The following GALNTL6 variants were observed in gnomAD, a reference collection of about 807,000 sequenced individuals.
The protein encoded by GALNTL6 is polypeptide N-acetylgalactosaminyltransferase like 6.
Under a neutral mutation model 73.7 loss-of-function variants are expected in GALNTL6, and 46 were observed. That is an observed-to-expected ratio of 0.62 (90% confidence interval 0.49 to 0.80). GALNTL6 has a LOEUF of 0.80. GALNTL6 is among the 30% of genes least tolerant of loss of function. GALNTL6 has a pLI of 0.00. For missense variants in GALNTL6, 604 were observed against 755.0 expected, an observed-to-expected ratio of 0.80 and a Z score of 2.34; for synonymous variants, 259 against 263.7, an observed-to-expected ratio of 0.98 and a Z score of 0.17.
At position 172,990,571 on chromosome 4, in the gene GALNTL6, T is replaced by C. The variant is rs1391760536; in HGVS notation, c.1372-18607T>C. On this transcript the variant is annotated intron_variant, in intron 10 of 12. Transcript: ENST00000506823. ...TGTCTACAAGAGTCCTGAAAGTTTT[T>C]TTTTTTTAATTTCAATGACCCAATC... Among the ~76,000 whole-genome samples the C allele has an allele frequency of 2.0e-5, 3 of 152,164 alleles. No homozygotes were observed. The South Asian group carries it at 6.2e-4, about 31-fold the overall frequency.
chr4:172,748,510 G>GA (rs1163329789), intron 5 of GALNTL6, among the ~76,000 whole-genome samples: 10 of 151,444 alleles, frequency 6.6e-5, no homozygotes, highest in African/African-American at 9.7e-5. Flanking sequence ...AAACAACATG[G>GA]AAAAAAAATG....
At chr4:172,679,302 T>C (rs139343373) in intron 5 of GALNTL6, among the ~76,000 whole-genome samples, 1 of 151,688 alleles carries the variant, frequency 6.6e-6, no homozygotes, top group Non-Finnish European at 1.5e-5. Flanking sequence ...TCGCAGCCAC[T>C]CGGGAGGCTG....
chr4:172,527,612 G>A (rs997812550), intron 5 of GALNTL6, among the ~76,000 whole-genome samples: 1 of 152,040 alleles, frequency 6.6e-6, no homozygotes, highest in African/African-American at 2.4e-5. Flanking sequence ...ATATAACCAG[G>A]TTTCACGTTG....
chr4:172,787,947 G>A (rs1338135472), intron 5 of GALNTL6, among the ~76,000 whole-genome samples: 1 of 152,118 alleles, frequency 6.6e-6, no homozygotes, highest in Admixed American at 6.5e-5. Context: ...AGAGACAATA[G>A]AAAGTATAAT....
intron 5 of GALNTL6, among the ~76,000 whole-genome samples, chr4:172,635,161 C>A (rs1167991066): frequency 6.6e-6 from 1 of 152,074 alleles, no homozygotes; most frequent in African/African-American, 2.4e-5. Context: ...ACTTTTTATT[C>A]CTAACCTATT....
At chr4:172,905,812 C>CAAAAAAAA (rs397996287) in intron 8 of GALNTL6, among the ~76,000 whole-genome samples, 7 of 69,680 alleles carry the variant, frequency 1.0e-4, no homozygotes, top group African/African-American at 1.6e-4. Context: ...AGAGATCACT[C>CAAAAAAAA]AAAAAAAAAA....
chr4:172,504,619 T>TA (rs1274413514), intron 5 of GALNTL6, among the ~76,000 whole-genome samples: 6,720 of 34,256 alleles, frequency 0.2, 2,719 homozygotes, highest in African/African-American at 0.46. Flanking sequence ...GTAAATGCTC[T>TA]AAAAAAAAAA....
intron 5 of GALNTL6, among the ~76,000 whole-genome samples, chr4:172,419,257 C>A (rs1730960611): frequency 6.6e-6 from 1 of 152,066 alleles, no homozygotes; most frequent in African/African-American, 2.4e-5. Context: ...ACCAAGGCAA[C>A]CTAGGTCACA....
Position 172,177,880 on chromosome 4 carries a change from G to A in GALNTL6, c.139-51776G>A, listed in dbSNP as rs117624375. ...ACACACATACTAAGGCATGCTAATC[G>A]TGAAGAAATGTTACTTCTATGATAT... is the stretch of plus-strand genomic sequence containing the variant. On this transcript the variant is annotated intron_variant, in intron 2 of 12. Coordinates refer to ENST00000506823, the MANE Select transcript of GALNTL6 (RefSeq NM_001034845.3). 5.9e-3 allele frequency among the ~76,000 whole-genome samples: 326 copies of A among 55,562 alleles called. 2 individuals are homozygous for A. Among genetic ancestry groups the A allele is most frequent in the East Asian group, 0.046 (93 of 2,036 alleles). The allele number at this position is 55,562 out of a possible 152,430, so 36.5% of individuals were successfully genotyped here. A position where few individuals can be genotyped will look rare whatever the true frequency, so the allele number is the denominator to read the frequency against.
At chr4:172,209,601 A>C (rs1243471269) in intron 2 of GALNTL6, among the ~76,000 whole-genome samples, 1 of 152,082 alleles carries the variant, frequency 6.6e-6, no homozygotes, top group East Asian at 1.9e-4. Flanking sequence ...CTTTTAACAG[A>C]TGTCCACAAC....
At chr4:171,830,016 A>G (rs1262928691) in intron 2 of GALNTL6, among the ~76,000 whole-genome samples, 1 of 152,072 alleles carries the variant, frequency 6.6e-6, no homozygotes, top group East Asian at 1.9e-4. Flanking sequence ...AGACACAGAC[A>G]GAATATGTAG....
intron 2 of GALNTL6, among the ~76,000 whole-genome samples, chr4:172,146,036 A>G (rs1240368737): frequency 6.6e-6 from 1 of 152,240 alleles, no homozygotes; most frequent in Non-Finnish European, 1.5e-5. Context: ...GCTCTTGGCT[A>G]TGACTCCAGG....
At chr4:172,679,127 G>T (rs890715899) in intron 5 of GALNTL6, among the ~76,000 whole-genome samples, 4 of 152,084 alleles carry the variant, frequency 2.6e-5, no homozygotes, top group African/African-American at 9.7e-5. Flanking sequence ...AAATGTAAAG[G>T]CTGGCTGGGC....
intron 2 of GALNTL6, among the ~76,000 whole-genome samples, chr4:172,160,161 T>C (rs1489732296): frequency 2.0e-5 from 3 of 151,978 alleles, no homozygotes; most frequent in African/African-American, 7.2e-5. Flanking sequence ...TGTATAAATA[T>C]AAGTGTGTGT....
intron 5 of GALNTL6, among the ~76,000 whole-genome samples, chr4:172,534,116 C>T (rs1735262298): frequency 6.6e-6 from 1 of 152,180 alleles, no homozygotes; most frequent in Non-Finnish European, 1.5e-5. Context: ...TGGAACGTTT[C>T]CTGTGAGGAA....
intron 3 of GALNTL6, among the ~76,000 whole-genome samples, chr4:172,263,563 A>G (rs1039350460): frequency 2.6e-5 from 4 of 151,210 alleles, no homozygotes; most frequent in African/African-American, 7.3e-5. Context: ...TTTTTATGAT[A>G]TCTCCTTGAG....
At chr4:172,760,396 A>G (rs1351402312) in intron 5 of GALNTL6, among the ~76,000 whole-genome samples, 1 of 152,184 alleles carries the variant, frequency 6.6e-6, no homozygotes, top group African/African-American at 2.4e-5. Flanking sequence ...TTGGAGGTTT[A>G]GTTAATGGTC....
rs1210866296 is a variant in GALNTL6, at chr4:172,088,237, ATAT to A, written c.139-141414_139-141412del. The stretch of plus-strand genomic sequence containing the variant: ...ACAGATCTTTACTTTTTCCCAAAGA[ATAT>A]TATTGCCATTATTTTAGCTTTATGC... On this transcript the variant is annotated intron_variant, in intron 2 of 12. Coordinates refer to ENST00000506823, the MANE Select transcript of GALNTL6 (RefSeq NM_001034845.3). Among the ~76,000 whole-genome samples, 4 of 152,344 alleles carry A rather than the reference ATAT, an allele frequency of 2.6e-5. No homozygotes were observed. In the East Asian group the frequency reaches 7.7e-4, roughly 29 times the overall value.
At chr4:172,370,845 G>C (rs1023894724) in intron 5 of GALNTL6, among the ~76,000 whole-genome samples, 3 of 152,054 alleles carry the variant, frequency 2.0e-5, no homozygotes, top group Non-Finnish European at 4.4e-5. Flanking sequence ...GTGTCTATTT[G>C]GGATTGTAGA....
Sources: allele counts gnomAD v4.1 joint callset (sites outside exome capture counted in the v4.1 genomes callset), GRCh38; gene constraint gnomAD v4.1.1; transcripts MANE v1.5; gene names NCBI Gene and HGNC (gene_info 2026-07-23, HGNC 2026-07-21).